The following FRMD4A variants were observed in gnomAD, a reference collection of about 807,000 sequenced individuals.
FRMD4A encodes FERM domain-containing protein 4A.
FRMD4A carries 29 observed loss-of-function variants against 129.1 expected under a neutral mutation model. The observed-to-expected ratio is 0.22, with a 90% CI of 0.17 to 0.31. FRMD4A has a LOEUF of 0.31. Among genes scored for constraint, FRMD4A ranks in the 10% least tolerant of loss-of-function variants. The pLI, the probability that FRMD4A is intolerant of heterozygous loss-of-function variation, is 1.00. For synonymous variants in FRMD4A, 634 were observed against 571.6 expected (o/e 1.11, Z -1.56); for missense variants, 1,272 against 1,375.8 (o/e 0.92, Z 1.19).
At chr10:13,785,509 A>G (rs559084474) in intron 5 of FRMD4A, among the ~76,000 whole-genome samples, 2 of 152,386 alleles carry the variant, frequency 1.3e-5, no homozygotes, top group East Asian at 3.9e-4. Context: ...TAGTTCTTTA[A>G]GAATGGAGAG....
At chr10:14,107,426 C>T (rs775654671) in intron 2 of FRMD4A, among the ~76,000 whole-genome samples, 6 of 151,992 alleles carry the variant, frequency 3.9e-5, no homozygotes, top group Non-Finnish European at 7.4e-5. Context: ...TGCCATCAAC[C>T]GATGTATATT....
chr10:14,218,819 G>A (rs1323826929), intron 2 of FRMD4A, among the ~76,000 whole-genome samples: 1 of 151,878 alleles, frequency 6.6e-6, no homozygotes, highest in Non-Finnish European at 1.5e-5. Context: ...GCCGGGTGTG[G>A]TGGTGGGCAC....
At chr10:14,220,755 G>T (rs1469284993) in intron 2 of FRMD4A, among the ~76,000 whole-genome samples, 2 of 151,812 alleles carry the variant, frequency 1.3e-5, no homozygotes, top group Non-Finnish European at 2.9e-5. Flanking sequence ...TGGCATACAA[G>T]AGGCAACCAG....
chr10:13,987,398 G>T (rs2095585459), intron 2 of FRMD4A, among the ~76,000 whole-genome samples: 1 of 152,090 alleles, frequency 6.6e-6, no homozygotes, highest in Non-Finnish European at 1.5e-5. Flanking sequence ...TAAAGTAACA[G>T]GATGTCTCCT....
chr10:14,133,032 A>C (rs116363190), intron 2 of FRMD4A, among the ~76,000 whole-genome samples: 38 of 152,342 alleles, frequency 2.5e-4, no homozygotes, highest in African/African-American at 8.7e-4. Context: ...AATAAGGATA[A>C]TATCAGTGAA....
intron 2 of FRMD4A, among the ~76,000 whole-genome samples, chr10:14,205,892 C>T (rs1842768273): frequency 6.6e-6 from 1 of 150,888 alleles, no homozygotes. Context: ...TAAAAGGAGA[C>T]TTACCTGCCT....
At chr10:13,694,613 A>G (rs1321620411) in intron 14 of FRMD4A, among the ~76,000 whole-genome samples, 1 of 152,224 alleles carries the variant, frequency 6.6e-6, no homozygotes, top group African/African-American at 2.4e-5. Context: ...CCATGTGGTC[A>G]TGGAAAGTTT....
At chr10:14,002,464 C>T (rs1298728735) in intron 2 of FRMD4A, among the ~76,000 whole-genome samples, 1 of 152,166 alleles carries the variant, frequency 6.6e-6, no homozygotes. Flanking sequence ...TAGGTTAGCA[C>T]GAGGATGGAG....
chr10:14,140,651 T>C (rs1017423979), intron 2 of FRMD4A, among the ~76,000 whole-genome samples: 4 of 152,190 alleles, frequency 2.6e-5, no homozygotes, highest in African/African-American at 7.2e-5. Context: ...TTCTGAAATG[T>C]TGGTGGCTCC....
chr10:13,837,894 T>C (rs1588967842), intron 3 of FRMD4A, among the ~76,000 whole-genome samples: 1 of 152,206 alleles, frequency 6.6e-6, no homozygotes, highest in South Asian at 2.1e-4. Flanking sequence ...TCTGATGACA[T>C]GACAGCAATC....
Position 14,223,942 on chromosome 10 carries a change from C to G in FRMD4A, c.45+106116G>C, listed in dbSNP as rs1843350554. On this transcript the variant is annotated intron_variant, in intron 2 of 24. Transcript: ENST00000357447. ...TAACTCTTTCCTGCTAAGCAACAAA[C>G]TGAAAAGATTTTCGGGGACCCTTCT... 2.0e-5 allele frequency among the ~76,000 whole-genome samples: 3 copies of G among 152,138 alleles called. No homozygotes were observed. In the South Asian group the frequency reaches 6.2e-4, roughly 31 times the overall value.
intron 2 of FRMD4A, among the ~76,000 whole-genome samples, chr10:13,999,459 T>C (rs2095634103): frequency 6.6e-6 from 1 of 152,222 alleles, no homozygotes; most frequent in Non-Finnish European, 1.5e-5. Flanking sequence ...GACCGCATTT[T>C]CTAGCAATGA....
At chr10:13,696,328 G>A (rs1232939708) in intron 14 of FRMD4A, among the ~76,000 whole-genome samples, 5 of 152,150 alleles carry the variant, frequency 3.3e-5, no homozygotes, top group African/African-American at 1.2e-4. Context: ...ACATCGCTCT[G>A]TTATGGAGAC....
rs114510400 is a variant in FRMD4A, at chr10:13,888,421, G to A, written c.46-29509C>T. On this transcript the variant is annotated intron_variant, in intron 2 of 24. Transcript: ENST00000357447. ...TTTCATGACATTTCCAGAGAGAAACGGACAGCGCAGAATCAGAAATGGGTA... is the reference window on the plus strand; with the variant it reads ...TTTCATGACATTTCCAGAGAGAAACAGACAGCGCAGAATCAGAAATGGGTA... 4.4e-3 allele frequency among the ~76,000 whole-genome samples: 667 copies of A among 152,208 alleles called. 4 individuals are homozygous for A. The highest frequency in any genetic ancestry group is 0.014 in the African/African-American group (601 of 41,546).
chr10:13,994,013 C>CCTT, intron 2 of FRMD4A, among the ~76,000 whole-genome samples: 1 of 134,590 alleles, frequency 7.4e-6, no homozygotes. Flanking sequence ...TGGGACAGTC[C>CCTT]TTTTTTTTTT....
At chr10:14,014,010 GC>G (rs2095690248) in intron 2 of FRMD4A, among the ~76,000 whole-genome samples, 1 of 152,198 alleles carries the variant, frequency 6.6e-6, no homozygotes, top group Non-Finnish European at 1.5e-5. Flanking sequence ...TCCCTGCTAG[GC>G]CCTGGCCTCT....
In FRMD4A at chr10:14,019,990, C is replaced by T. The variant is rs147779900; in HGVS notation, c.46-161078G>A. 2.2e-4 allele frequency among the ~76,000 whole-genome samples: 33 copies of T among 152,194 alleles called. No homozygotes were observed. In the East Asian group the frequency reaches 5.2e-3, roughly 24 times the overall value. On this transcript the variant is annotated intron_variant, in intron 2 of 24. Transcript: ENST00000357447. ...AATGCATAGCCTCCAAGGTATGCCT[C>T]GGAGAGAAGCATTTTAAATCTTCTG...
At chr10:13,684,871 G>GAA (rs11315548) in intron 15 of FRMD4A, 241 of 875,210 alleles carry the variant, frequency 2.8e-4, no homozygotes, top group Middle Eastern at 5.8e-4. Flanking sequence ...AGACCTTAGA[G>GAA]AAAAAAAAAA....
chr10:13,845,257 C>A (rs145189124), intron 3 of FRMD4A, among the ~76,000 whole-genome samples: 4 of 152,120 alleles, frequency 2.6e-5, no homozygotes, highest in Admixed American at 2.6e-4. Flanking sequence ...ATCCTATGAC[C>A]TTGACACATG....
Sources: allele counts gnomAD v4.1 joint callset (sites outside exome capture counted in the v4.1 genomes callset), GRCh38; gene constraint gnomAD v4.1.1; transcripts MANE v1.5; gene names NCBI Gene and HGNC (gene_info 2026-07-23, HGNC 2026-07-21).